Variants in DPP10 observed in about 807,000 individuals in gnomAD.
The protein encoded by DPP10 is dipeptidyl peptidase like 10.
A neutral mutation model predicts 120.9 loss-of-function variants in DPP10; 33 were observed. The observed-to-expected ratio is 0.27, with a 90% CI of 0.21 to 0.37. DPP10 has a LOEUF of 0.37. Among genes scored for constraint, DPP10 ranks in the 10% least tolerant of loss-of-function variants. The probability of loss-of-function intolerance (pLI) is 1.00; values close to 1 mark genes in which losing one functional copy is unlikely to be tolerated. For missense variants in DPP10, 816 were observed against 942.8 expected (o/e 0.87, Z 1.76); for synonymous variants, 337 against 326.1 (o/e 1.03, Z -0.36).
At chr2:115,833,145 A>G (rs946515067) in intron 21 of DPP10, among the ~76,000 whole-genome samples, 10 of 152,180 alleles carry the variant, frequency 6.6e-5, no homozygotes, top group African/African-American at 2.4e-4. Flanking sequence ...ACTGAGATAA[A>G]TAAAATAAAA....
intron 3 of DPP10, among the ~76,000 whole-genome samples, chr2:115,490,909 G>C (rs2076078330): frequency 6.6e-6 from 1 of 152,130 alleles, no homozygotes; most frequent in Non-Finnish European, 1.5e-5. Context: ...TTTGAGGTCG[G>C]GAGTTTGAGA....
At chr2:115,443,698 G>C (rs2072294991) in intron 3 of DPP10, among the ~76,000 whole-genome samples, 1 of 152,082 alleles carries the variant, frequency 6.6e-6, no homozygotes, top group Middle Eastern at 3.4e-3. Context: ...CAAATTCTAG[G>C]CTCCACCCAA....
chr2:115,436,241 C>G (rs1292989842), intron 3 of DPP10, among the ~76,000 whole-genome samples: 1 of 151,770 alleles, frequency 6.6e-6, no homozygotes, highest in African/African-American at 2.4e-5. Context: ...ACATGTTGAA[C>G]ATATACCATG....
chr2:115,776,537 C>T (rs139099061), intron 13 of DPP10, among the ~76,000 whole-genome samples: 2,874 of 152,032 alleles, frequency 0.019, 86 homozygotes, highest in African/African-American at 0.064. Context: ...GGGTTGGTTC[C>T]AAATCTTTCT....
At chr2:115,076,543 A>ATTTTTTTGCAC (rs1707812002) in intron 1 of DPP10, among the ~76,000 whole-genome samples, 1 of 152,138 alleles carries the variant, frequency 6.6e-6, no homozygotes, top group African/African-American at 2.4e-5. Context: ...ATTGATAAGT[A>ATTTTTTTGCAC]TATGTAATTT....
chr2:115,653,912 G>A (rs1310816801), intron 5 of DPP10, among the ~76,000 whole-genome samples: 2 of 151,920 alleles, frequency 1.3e-5, no homozygotes, highest in East Asian at 3.9e-4. Context: ...GAATGCTATA[G>A]CTTAAAGAGA....
chr2:114,791,143 G>A (rs1683210966), intron 1 of DPP10, among the ~76,000 whole-genome samples: 3 of 152,120 alleles, frequency 2.0e-5, no homozygotes, highest in Non-Finnish European at 4.4e-5. Context: ...ATACCAAACA[G>A]CAAAGAAGGC....
Position 115,739,686 on chromosome 2 carries a change from T to C in DPP10, c.698-53T>C, listed in dbSNP as rs1677010369. 1.9e-6 allele frequency: 3 copies of C among 1,566,352 alleles called. No individual in the cohort carries two copies. In the African/African-American group the frequency reaches 4.1e-5, roughly 21 times the overall value. On this transcript the variant is annotated intron_variant, in intron 8 of 25. Coordinates refer to ENST00000410059, the MANE Select transcript of DPP10 (RefSeq NM_020868.6). The stretch of plus-strand genomic sequence containing the variant: ...GATTTCAAGGACAGATGTTTGTGGG[T>C]CACTGAGCCCACATCTCTACAGTTG...
chr2:115,309,074 A>G (rs2061479422), intron 1 of DPP10, among the ~76,000 whole-genome samples, 165 bp from the exon 2 acceptor site: 1 of 152,088 alleles, frequency 6.6e-6, no homozygotes, highest in Non-Finnish European at 1.5e-5. Flanking sequence ...AAAGATAGCC[A>G]TTTATAATAT....
intron 12 of DPP10, among the ~76,000 whole-genome samples, chr2:115,767,471 A>G (rs977735579): frequency 2.4e-5 from 1 of 41,356 alleles, no homozygotes; most frequent in Non-Finnish European, 5.1e-5. Flanking sequence ...CTACATACAT[A>G]TATGTGTGTG....
At chr2:115,075,829 G>T (rs1707743416) in intron 1 of DPP10, among the ~76,000 whole-genome samples, 1 of 151,834 alleles carries the variant, frequency 6.6e-6, no homozygotes, top group Admixed American at 6.6e-5. Flanking sequence ...ATATTCAGGG[G>T]CAGTGAGTCC....
chr2:114,484,728 C>A (rs897753270), intron 1 of DPP10, among the ~76,000 whole-genome samples: 1 of 152,036 alleles, frequency 6.6e-6, no homozygotes, highest in Non-Finnish European at 1.5e-5. Context: ...CTGGGTGATT[C>A]ATATAGTGTT....
chr2:115,112,958 G>C (rs1210121198), intron 1 of DPP10, among the ~76,000 whole-genome samples: 1 of 151,994 alleles, frequency 6.6e-6, no homozygotes, highest in African/African-American at 2.4e-5. Flanking sequence ...TCATATGTTT[G>C]GTGGTCTATG....
At chr2:114,591,996 T>C (rs1382365396) in intron 1 of DPP10, among the ~76,000 whole-genome samples, 1 of 150,980 alleles carries the variant, frequency 6.6e-6, no homozygotes, top group African/African-American at 2.5e-5. Context: ...TGAAACATAC[T>C]ACCCTCAATG....
At chr2:115,601,310 T>C (rs1020938349) in intron 5 of DPP10, among the ~76,000 whole-genome samples, 1 of 152,210 alleles carries the variant, frequency 6.6e-6, no homozygotes, top group Admixed American at 6.5e-5. Context: ...TTAGGTTTCT[T>C]TGTTTTTTAA....
At chr2:115,819,101 A>G (rs1375478516) in intron 21 of DPP10, among the ~76,000 whole-genome samples, 1 of 152,214 alleles carries the variant, frequency 6.6e-6, no homozygotes, top group African/African-American at 2.4e-5. Context: ...GGGTTGGAAA[A>G]CAATGTTCTT....
intron 3 of DPP10, among the ~76,000 whole-genome samples, chr2:115,414,130 A>G (rs1045432711): frequency 6.6e-6 from 1 of 152,158 alleles, no homozygotes; most frequent in Non-Finnish European, 1.5e-5. Flanking sequence ...TAATAAAAAC[A>G]TGTAATTTCT....
chr2:115,762,795 A>T (rs1680273165), intron 12 of DPP10, among the ~76,000 whole-genome samples, 185 bp downstream of exon 12: 1 of 152,158 alleles, frequency 6.6e-6, no homozygotes, highest in Admixed American at 6.6e-5. Flanking sequence ...TGAAAAGGTT[A>T]CTTCCATTTT....
intron 1 of DPP10, among the ~76,000 whole-genome samples, chr2:114,932,835 T>C (rs1019444336): frequency 1.3e-5 from 2 of 152,160 alleles, no homozygotes; most frequent in Non-Finnish European, 2.9e-5. Flanking sequence ...AAATAACTAA[T>C]GAAACAAATC....
Sources: gnomAD v4.1 joint callset for allele counts (sites outside exome capture counted in the v4.1 genomes callset) on GRCh38, gnomAD v4.1.1 for gene constraint, MANE v1.5 for transcripts, NCBI Gene and HGNC (gene_info 2026-07-23, HGNC 2026-07-21) for gene names.